TNFAIP2: variants seen among roughly 807,000 people sequenced by gnomAD.
TNFAIP2 encodes the protein TNF alpha induced protein 2.
In TNFAIP2, 47 loss-of-function variants were observed where a neutral mutation model predicts 63.5. That is an observed-to-expected ratio of 0.74 (90% confidence interval 0.59 to 0.94). TNFAIP2 has a LOEUF of 0.94. TNFAIP2 is among the 40% of genes least tolerant of loss of function. The probability of loss-of-function intolerance (pLI) is 0.00; values close to 1 mark genes in which losing one functional copy is unlikely to be tolerated. For missense variants in TNFAIP2, 787 were observed against 850.2 expected (o/e 0.93, Z 0.92); for synonymous variants, 405 against 390.2 (o/e 1.04, Z -0.45).
At position 103,127,666 on chromosome 14, in the gene TNFAIP2, A is replaced by G. The variant is rs1413590917; in HGVS notation, c.860+37A>G. 1.6e-5 allele frequency: 23 copies of G among 1,432,704 alleles called. No individual in the cohort carries two copies. Among genetic ancestry groups the G allele is most frequent in the Non-Finnish European group, 2.1e-5 (23 of 1,091,326 alleles). The allele number at this position is 1,432,704 out of a possible 1,614,324, so 88.7% of individuals were successfully genotyped here. A position where few individuals can be genotyped will look rare whatever the true frequency, so the allele number is the denominator to read the frequency against. On this transcript the variant is annotated intron_variant, in intron 3 of 11. Transcript: ENST00000560869. This position sits in a 1 kb window ranked among gnomAD's most constrained non-coding sequence, Gnocchi z 5.1. ...AGGGGCTGGGCCCGGGCCGGCAGGG[A>G]GGGTGTCCTCTGTAGGAGGGGTGTC...
Position 103,133,643 on chromosome 14 carries a change from T to C in TNFAIP2, c.1702-39T>C, listed in dbSNP as rs773964613. ...CCAACGAGTCGCTGACCCGAGCCTC[T>C]GGACCCCTGGGTCCCTCCAACCACA... On this transcript the variant is annotated intron_variant, in intron 10 of 11. Transcript: ENST00000560869. 1.5e-5 allele frequency: 23 copies of C among 1,549,516 alleles called. No individual in the cohort carries two copies. The East Asian group carries it at 4.5e-4, about 30-fold the overall frequency.
intron 11 of TNFAIP2, among the ~76,000 whole-genome samples, chr14:103,134,556 C>T (rs1048069054): frequency 2.0e-5 from 3 of 149,518 alleles, no homozygotes; most frequent in Non-Finnish European, 4.4e-5. Flanking sequence ...ACCCCTCCAC[C>T]CATTTAGCTA....
chr14:103,127,772 G>C lies in TNFAIP2; in HGVS notation c.860+143G>C. ...TTTTGGGTCCGAGAATGCAGGGGTGGGACTTGGACTCCCTGGGGCAGAGCC... is the reference window on the plus strand; with the variant it reads ...TTTTGGGTCCGAGAATGCAGGGGTGCGACTTGGACTCCCTGGGGCAGAGCC... On this transcript the variant is annotated intron_variant, in intron 3 of 11. Coordinates refer to ENST00000560869, the MANE Select transcript of TNFAIP2 (RefSeq NM_006291.4). The surrounding 1 kb of genome is among the most constrained non-coding windows in gnomAD (Gnocchi z 5.1). 2.1e-6 allele frequency: 2 copies of C among 945,846 alleles called. No individual in the cohort carries two copies. 58.6% of individuals were successfully genotyped at this position (945,846 alleles called of 1,614,324 possible).
chr14:103,130,467 G>A (rs914783609), intron 6 of TNFAIP2, 52 bp downstream of exon 6: 18 of 1,512,992 alleles, frequency 1.2e-5, no homozygotes, highest in Admixed American at 5.9e-5. Flanking sequence ...TCAGAGCCAC[G>A]GCCCCTCCCT....
chr14:103,122,404 A>G (rs1221271849), upstream of TNFAIP2, among the ~76,000 whole-genome samples: 1 of 152,164 alleles, frequency 6.6e-6, no homozygotes, highest in Non-Finnish European at 1.5e-5. Flanking sequence ...GCCAAACAAA[A>G]GAGGGGAGGA....
Position 103,135,792 on chromosome 14 carries a change from C to A in TNFAIP2, c.*432C>A. 1 of 1,293,958 alleles carries A rather than the reference C, an allele frequency of 7.7e-7. No homozygotes were observed. Among genetic ancestry groups the A allele is most frequent in the Non-Finnish European group, 1.0e-6 (1 of 992,398 alleles). The allele number at this position is 1,293,958 out of a possible 1,614,324, so 80.2% of individuals were successfully genotyped here. ...TCTGGAGACAGGGGCCGAGCCTCAC[C>A]CATCTGCCCTCTGCAGCCCAGGGCC... On this transcript the variant is annotated 3_prime_UTR_variant, in exon 12 of 12. Transcript: ENST00000560869. The surrounding 1 kb of genome is among the most constrained non-coding windows in gnomAD (Gnocchi z 7.6).
upstream of TNFAIP2, among the ~76,000 whole-genome samples, chr14:103,121,600 G>A (rs1206979077): frequency 6.6e-6 from 1 of 152,210 alleles, no homozygotes; most frequent in African/African-American, 2.4e-5. Context: ...AGGACTTCAC[G>A]TATGTTACCA....
rs2087854923 is a variant in TNFAIP2 at position 103,126,511 on chromosome 14, C to T, written c.54C>T (p.Ala18=). 1.3e-6 allele frequency: 2 copies of T among 1,590,864 alleles called. No homozygotes were observed. Among genetic ancestry groups the T allele is most frequent in the Non-Finnish European group, 1.7e-6 (2 of 1,169,124 alleles). The change falls in exon 2 of 12, where the codon GCC becomes GCT. Residue 18 remains alanine, a synonymous_variant. Transcript: ENST00000560869. ...DLVPPLEAGA[A]PYREEEEAAK... ...TGCCACCCCTGGAGGCTGGGGCAGC[C>T]CCATATAGGGAGGAGGAAGAGGCGG...
chr14:103,129,957 C>T (rs749915266), intron 4 of TNFAIP2, 45 bp from the exon 5 acceptor site: 41 of 1,607,526 alleles, frequency 2.6e-5, no homozygotes, highest in Admixed American at 1.8e-4. Flanking sequence ...TCCAGGTGAG[C>T]GAGGTGAGGG....
chr14:103,133,656 C>G (rs776911742), intron 10 of TNFAIP2, 26 bp from the exon 11 acceptor site: 2 of 1,549,840 alleles, frequency 1.3e-6, no homozygotes, highest in South Asian at 2.4e-5. Context: ...ACCCCTGGGT[C>G]CCTCCAACCA....
chr14:103,121,530 T>C (rs1595268573), upstream of TNFAIP2, among the ~76,000 whole-genome samples: 1 of 152,260 alleles, frequency 6.6e-6, no homozygotes, highest in East Asian at 1.9e-4. Flanking sequence ...ATGGGCCCCA[T>C]TGGCTGTCAT....
rs2088102878 is a variant in TNFAIP2, at chr14:103,136,792, C to G, written c.*1432C>G. 1 of 152,178 alleles carries G rather than the reference C, an allele frequency of 6.6e-6. No homozygotes were observed. The highest frequency in any genetic ancestry group is 6.5e-5 in the Admixed American group (1 of 15,280). 9.4% of individuals were successfully genotyped at this position (152,178 alleles called of 1,614,324 possible). On this transcript the variant is annotated 3_prime_UTR_variant, in exon 12 of 12. Coordinates refer to ENST00000560869, the MANE Select transcript of TNFAIP2 (RefSeq NM_006291.4). Reference sequence around the variant, plus strand: ...AAGTGCTGGGATTATAGGCATGAGTCACTGTACCCGGCCTGCTCTACCGCT... The same window carrying G: ...AAGTGCTGGGATTATAGGCATGAGTGACTGTACCCGGCCTGCTCTACCGCT...
chr14:103,134,055 A>G (rs2088045932), intron 11 of TNFAIP2, among the ~76,000 whole-genome samples: 1 of 152,222 alleles, frequency 6.6e-6, no homozygotes, highest in South Asian at 2.1e-4. Flanking sequence ...GTCTGGCTGC[A>G]TGGCCCACAC....
At position 103,135,490 on chromosome 14, in the gene TNFAIP2, AGCCCTGGCGGAGGTGCAG is replaced by A; in HGVS notation, c.*137_*154del. 6.7e-7 allele frequency: 1 copy of A among 1,500,374 alleles called. No individual in the cohort carries two copies. Among genetic ancestry groups the A allele is most frequent in the Non-Finnish European group, 8.8e-7 (1 of 1,134,420 alleles). 92.9% of individuals were successfully genotyped at this position (1,500,374 alleles called of 1,614,324 possible). A position where few individuals can be genotyped will look rare whatever the true frequency, so the allele number is the denominator to read the frequency against. ...CTGTGCTCTGATGCTACTTCTGCCT[AGCCCTGGCGGAGGTGCAG>A]GCCCTGTCAGCTGGAACTGGACAGA... On this transcript the variant is annotated 3_prime_UTR_variant, in exon 12 of 12. Coordinates refer to ENST00000560869, the MANE Select transcript of TNFAIP2 (RefSeq NM_006291.4). The surrounding 1 kb of genome is among the most constrained non-coding windows in gnomAD (Gnocchi z 7.6).
In TNFAIP2 at chr14:103,129,768, G is replaced by A. The variant is rs2087931831; in HGVS notation, c.889G>A (p.Gly297Ser). The A allele has an allele frequency of 6.2e-7, 1 of 1,614,038 alleles. No homozygotes were observed. Among genetic ancestry groups the A allele is most frequent in the Non-Finnish European group, 8.5e-7 (1 of 1,179,952 alleles). The change falls in exon 4 of 12, where the codon GGT becomes AGT. Residue 297 changes from glycine to serine, a missense_variant. Around this residue, in one of 3 missense-constraint regions of TNFAIP2, gnomAD observed 523 missense variants for 604.1 expected, o/e 0.87. Coordinates refer to ENST00000560869, the MANE Select transcript of TNFAIP2 (RefSeq NM_006291.4). ...CATCATCAACAGCCCCAAGCTGGTGGGTGAGCTGCAGGGTATGGGGCTCGG... is the reference window on the plus strand; with the variant it reads ...CATCATCAACAGCCCCAAGCTGGTGAGTGAGCTGCAGGGTATGGGGCTCGG... ...NDIINSPKLV[G>S]ELQGMGLGSL...
In TNFAIP2 at chr14:103,137,027, T is replaced by A. The variant is rs2088107110; in HGVS notation, c.*1667T>A. 1 of 152,428 alleles carries A rather than the reference T, an allele frequency of 6.6e-6. No homozygotes were observed. Among genetic ancestry groups the A allele is most frequent in the African/African-American group, 2.4e-5 (1 of 41,584 alleles). The allele number at this position is 152,428 out of a possible 1,614,324, so 9.4% of individuals were successfully genotyped here. On this transcript the variant is annotated 3_prime_UTR_variant, in exon 12 of 12. Transcript: ENST00000560869. Reference sequence around the variant, plus strand: ...CCCACCGCACCCTCCGTTCATCCCCTGCCCTGCCGGGCACCTCGCTCTACC... The same window carrying A: ...CCCACCGCACCCTCCGTTCATCCCCAGCCCTGCCGGGCACCTCGCTCTACC...
chr14:103,125,384 G>A (rs562045682), intron 1 of TNFAIP2, among the ~76,000 whole-genome samples: 21 of 152,362 alleles, frequency 1.4e-4, no homozygotes, highest in African/African-American at 5.1e-4. Context: ...TGGGGATGTG[G>A]AGGCAGGGGA....
In TNFAIP2 at chr14:103,131,843, T is replaced by C; in HGVS notation, c.1422+81T>C. The C allele has an allele frequency of 6.5e-7, 1 of 1,526,764 alleles. No homozygotes were observed. Among genetic ancestry groups the C allele is most frequent in the Non-Finnish European group, 8.8e-7 (1 of 1,135,634 alleles). 94.6% of individuals were successfully genotyped at this position (1,526,764 alleles called of 1,614,324 possible). A position where few individuals can be genotyped will look rare whatever the true frequency, so the allele number is the denominator to read the frequency against. ...ACTGGGAGGTGCCCCCAGGGAGGAG[T>C]GGCAGAAGCAAAGATGTGGGGAAGA... On this transcript the variant is annotated intron_variant, in intron 8 of 11. Transcript: ENST00000560869. The surrounding 1 kb of genome is among the most constrained non-coding windows in gnomAD (Gnocchi z 4.0).
At chr14:103,122,813 C>T (rs1891162028), upstream of TNFAIP2, 1 of 453,774 alleles carries the variant, frequency 2.2e-6, no homozygotes, top group Non-Finnish European at 4.4e-6. Context: ...TGGCTAGGAA[C>T]CCCACTCCGC....
Sources: gnomAD v4.1 joint callset for allele counts (sites outside exome capture counted in the v4.1 genomes callset) on GRCh38, gnomAD v4.1.1 for gene constraint, gnomAD v4.1.1 regional missense constraint, Gnocchi (gnomAD v3.1) non-coding constraint, MANE v1.5 for transcripts, NCBI Gene and HGNC (gene_info 2026-07-23, HGNC 2026-07-21) for gene names.